Variants in GALNT18 observed in about 807,000 individuals in gnomAD.
The protein encoded by GALNT18 is polypeptide N-acetylgalactosaminyltransferase 18, also known as GalNAc-transferase 18.
Under a neutral mutation model 69.5 loss-of-function variants are expected in GALNT18, and 44 were observed. That is an observed-to-expected ratio of 0.63 (90% CI 0.50 to 0.81). GALNT18 has a LOEUF of 0.81. Ranked by LOEUF, GALNT18 falls within the 40% of genes least tolerant of loss-of-function variation. GALNT18 has a pLI of 0.00. For synonymous variants in GALNT18, 364 were observed against 318.2 expected, an observed-to-expected ratio of 1.14 and a Z score of -1.53; for missense variants, 715 against 810.0, an observed-to-expected ratio of 0.88 and a Z score of 1.42.
At chr11:11,504,985 G>A (rs1857043418) in intron 1 of GALNT18, among the ~76,000 whole-genome samples, 1 of 152,166 alleles carries the variant, frequency 6.6e-6, no homozygotes, top group East Asian at 1.9e-4. Context: ...GCTAAAGGAA[G>A]CTACAAGCAC....
chr11:11,274,633 GGTGGTTT>G (rs1848899661), intron 10 of GALNT18, among the ~76,000 whole-genome samples: 1 of 152,172 alleles, frequency 6.6e-6, no homozygotes, highest in African/African-American at 2.4e-5. Flanking sequence ...TGCATGCCAT[GGTGGTTT>G]GCTGCACCCA....
intron 1 of GALNT18, among the ~76,000 whole-genome samples, chr11:11,528,842 T>C (rs1857577761): frequency 6.6e-6 from 1 of 152,216 alleles, no homozygotes; most frequent in African/African-American, 2.4e-5. Context: ...GTTTCAAAGA[T>C]AATGCCCAAG....
chr11:11,306,587 G>C (rs963341593), intron 9 of GALNT18, among the ~76,000 whole-genome samples: 9 of 152,178 alleles, frequency 5.9e-5, no homozygotes, highest in African/African-American at 1.9e-4. Flanking sequence ...ATGCCAGATG[G>C]ATTGCACTAT....
intron 6 of GALNT18, among the ~76,000 whole-genome samples, chr11:11,370,029 C>T (rs1371820802): frequency 6.6e-6 from 1 of 152,012 alleles, no homozygotes; most frequent in Non-Finnish European, 1.5e-5. Flanking sequence ...TTACGAGGTA[C>T]ATGACCTTGA....
intron 2 of GALNT18, among the ~76,000 whole-genome samples, chr11:11,442,249 G>C (rs1460400373): frequency 1.3e-5 from 2 of 152,082 alleles, no homozygotes; most frequent in African/African-American, 4.8e-5. Context: ...TTGATCTTTT[G>C]CCTCCCTCTT....
intron 8 of GALNT18, among the ~76,000 whole-genome samples, chr11:11,330,841 G>A (rs1360600142): frequency 2.6e-5 from 4 of 152,208 alleles, no homozygotes; most frequent in Admixed American, 1.3e-4. Flanking sequence ...GTGGCCACAT[G>A]TACACACCTC....
chr11:11,276,830 T>C (rs989355400), intron 10 of GALNT18, among the ~76,000 whole-genome samples: 1 of 152,238 alleles, frequency 6.6e-6, no homozygotes, highest in African/African-American at 2.4e-5. Flanking sequence ...TTTGTGTATG[T>C]TGAACCAGCC....
intron 3 of GALNT18, among the ~76,000 whole-genome samples, chr11:11,398,788 T>A (rs1421129278): frequency 6.6e-6 from 1 of 152,142 alleles, no homozygotes; most frequent in Admixed American, 6.5e-5. Flanking sequence ...CTACAGACAA[T>A]GGGACTTAAC....
intron 1 of GALNT18, among the ~76,000 whole-genome samples, chr11:11,479,573 T>C (rs1334809384): frequency 7.5e-6 from 1 of 133,766 alleles, no homozygotes; most frequent in East Asian, 2.3e-4. Flanking sequence ...TATTTTATTA[T>C]AGATACTATT....
At chr11:11,343,547 G>A (rs964616749) in intron 6 of GALNT18, among the ~76,000 whole-genome samples, 1 of 152,068 alleles carries the variant, frequency 6.6e-6, no homozygotes, top group Non-Finnish European at 1.5e-5. Context: ...TGAGAAGGTG[G>A]CGGTGAAGGC....
At position 11,616,567 on chromosome 11, in the gene GALNT18, C is replaced by G. The variant is rs1860055587; in HGVS notation, c.235+4792G>C. On this transcript the variant is annotated intron_variant, in intron 1 of 10. Transcript: ENST00000227756. This position sits in a 1 kb window ranked among gnomAD's most constrained non-coding sequence, Gnocchi z 4.4. ...AAGTGGTTGAATCAATAATAGTATA[C>G]TGATGACAGAATACTATGCAGTCAT... Among the ~76,000 whole-genome samples, 1 of 152,300 alleles carries G rather than the reference C, an allele frequency of 6.6e-6. No individual in the cohort carries two copies. Among genetic ancestry groups the G allele is most frequent in the Non-Finnish European group, 1.5e-5 (1 of 68,014 alleles).
intron 1 of GALNT18, among the ~76,000 whole-genome samples, chr11:11,462,816 T>G (rs925990252): frequency 1.3e-5 from 2 of 152,132 alleles, no homozygotes; most frequent in African/African-American, 4.8e-5. Flanking sequence ...AAAAAGGGTC[T>G]TAATGCCCTC....
intron 3 of GALNT18, among the ~76,000 whole-genome samples, chr11:11,414,977 T>A (rs1489043071): frequency 6.6e-6 from 1 of 152,224 alleles, no homozygotes; most frequent in Non-Finnish European, 1.5e-5. Flanking sequence ...TGAGATTGAC[T>A]CGTTGTTGGC....
intron 1 of GALNT18, among the ~76,000 whole-genome samples, chr11:11,580,919 C>T (rs190698928): frequency 2.6e-5 from 4 of 152,352 alleles, no homozygotes; most frequent in African/African-American, 4.8e-5. Flanking sequence ...TAATCTCCAC[C>T]GTCCTCCGGC....
At chr11:11,580,263 C>T (rs893774474) in intron 1 of GALNT18, among the ~76,000 whole-genome samples, 2 of 152,134 alleles carry the variant, frequency 1.3e-5, no homozygotes, top group African/African-American at 4.8e-5. Flanking sequence ...AGACTCAGGG[C>T]AAACCTCATG....
At position 11,382,903 on chromosome 11, in the gene GALNT18, G is replaced by C. The variant is rs1042118723; in HGVS notation, c.596-3639C>G. On this transcript the variant is annotated intron_variant, in intron 3 of 10. Coordinates refer to ENST00000227756, the MANE Select transcript of GALNT18 (RefSeq NM_198516.3). The surrounding 1 kb of genome is among the most constrained non-coding windows in gnomAD (Gnocchi z 4.3). ...TGGAGAAAGAGGAGGCAGGGAGTCT[G>C]CTTGCTGTGACTCTGCCAGATCTAG... 1.3e-5 allele frequency among the ~76,000 whole-genome samples: 2 copies of C among 152,184 alleles called. No homozygotes were observed. The highest frequency in any genetic ancestry group is 4.8e-5 in the African/African-American group (2 of 41,436).
chr11:11,375,970 A>G (rs766488623), intron 5 of GALNT18, among the ~76,000 whole-genome samples: 1 of 152,212 alleles, frequency 6.6e-6, no homozygotes, highest in Admixed American at 6.5e-5. Context: ...ATAAAACAAC[A>G]TGAGCTTCTA....
chr11:11,325,290 A>G (rs567990309), intron 9 of GALNT18, among the ~76,000 whole-genome samples: 5 of 152,342 alleles, frequency 3.3e-5, no homozygotes, highest in South Asian at 2.1e-4. Context: ...TCACTTTCAT[A>G]TAAGTGGGAG....
At chr11:11,449,178 G>A (rs1405415266) in intron 1 of GALNT18, among the ~76,000 whole-genome samples, 1 of 152,242 alleles carries the variant, frequency 6.6e-6, no homozygotes, top group South Asian at 2.1e-4. Context: ...AGGGTCTGCT[G>A]AGAAGCTAAT....
Sources: allele counts gnomAD v4.1 joint callset (sites outside exome capture counted in the v4.1 genomes callset), GRCh38; gene constraint gnomAD v4.1.1; non-coding constraint Gnocchi (gnomAD v3.1); transcripts MANE v1.5; gene names NCBI Gene and HGNC (gene_info 2026-07-23, HGNC 2026-07-21).